The following NAALADL2 variants were observed in gnomAD, a reference collection of about 807,000 sequenced individuals.
NAALADL2 encodes N-acetylated alpha-linked acidic dipeptidase like 2.
In NAALADL2, 76 loss-of-function variants were observed where a neutral mutation model predicts 87.2. The ratio of observed to expected loss-of-function variants is 0.87; its 90% confidence interval spans 0.72 to 1.05. The LOEUF (loss-of-function observed/expected upper bound fraction) is 1.05. NAALADL2 is among the 50% of genes least tolerant of loss of function. NAALADL2 has a pLI of 0.00. For synonymous variants in NAALADL2, 354 were observed against 331.0 expected (o/e 1.07, Z -0.75); for missense variants, 1,089 against 945.8 (o/e 1.15, Z -1.99).
At chr3:175,694,176 G>A (rs1426076773) in intron 11 of NAALADL2, among the ~76,000 whole-genome samples, 3 of 152,012 alleles carry the variant, frequency 2.0e-5, no homozygotes, top group Non-Finnish European at 2.9e-5. Flanking sequence ...ATATTGGTTG[G>A]TACAATATAG....
chr3:175,096,989 C>T lies in NAALADL2; in HGVS notation c.243C>T (p.Asp81=). The T allele has an allele frequency of 6.2e-7, 1 of 1,613,370 alleles. No individual in the cohort carries two copies. Among genetic ancestry groups the T allele is most frequent in the Non-Finnish European group, 8.5e-7 (1 of 1,179,614 alleles). ...NQNLGHSETI[D]LNLDSIQPAT... is the part of the protein sequence containing the mutation. ...ACCTAGGGCATTCAGAGACTATAGACCTCAATCTTGATTCCATTCAACCAG... is the reference window on the plus strand; with the variant it reads ...ACCTAGGGCATTCAGAGACTATAGATCTCAATCTTGATTCCATTCAACCAG... Residue 81 remains aspartate, a synonymous_variant, in exon 2 of 14, where the codon GAC becomes GAT. Coordinates refer to ENST00000454872, the MANE Select transcript of NAALADL2 (RefSeq NM_207015.3).
intron 1 of NAALADL2, among the ~76,000 whole-genome samples, chr3:175,020,471 A>G (rs1057222124): frequency 6.6e-6 from 1 of 152,000 alleles, no homozygotes; most frequent in Non-Finnish European, 1.5e-5. Flanking sequence ...CTAATTGTAA[A>G]TGTGTTCCTT....
chr3:175,595,135 A>C (rs1189889225), intron 10 of NAALADL2, among the ~76,000 whole-genome samples: 4 of 152,144 alleles, frequency 2.6e-5, no homozygotes, highest in Non-Finnish European at 4.4e-5. Context: ...TTGAGGTCTT[A>C]AATTTACACC....
At chr3:174,884,483 G>A (rs1477048594) in intron 1 of NAALADL2, among the ~76,000 whole-genome samples, 1 of 152,116 alleles carries the variant, frequency 6.6e-6, no homozygotes, top group Non-Finnish European at 1.5e-5. Flanking sequence ...CACTTCTTTA[G>A]CTGTAAAGTG....
intron 11 of NAALADL2, among the ~76,000 whole-genome samples, chr3:175,642,351 G>A (rs1030021677): frequency 7.2e-5 from 11 of 152,062 alleles, no homozygotes; most frequent in Admixed American, 3.3e-4. Context: ...TGCTTTTCTT[G>A]ATTACTCAAG....
chr3:174,885,044 C>G (rs1729909352), intron 1 of NAALADL2, among the ~76,000 whole-genome samples: 2 of 152,108 alleles, frequency 1.3e-5, no homozygotes, highest in African/African-American at 2.4e-5. Flanking sequence ...GGGATGTTGC[C>G]TCTGCTGGGG....
intron 9 of NAALADL2, among the ~76,000 whole-genome samples, chr3:175,508,645 C>A (rs546942795): frequency 7.2e-5 from 11 of 152,256 alleles, no homozygotes; most frequent in African/African-American, 2.6e-4. Flanking sequence ...AAGTCCCATA[C>A]ATTTTACTTC....
intron 11 of NAALADL2, among the ~76,000 whole-genome samples, chr3:175,697,213 G>A (rs917528893): frequency 2.0e-5 from 3 of 151,986 alleles, no homozygotes; most frequent in Non-Finnish European, 4.4e-5. Flanking sequence ...AACTTTGCCT[G>A]CCATCTTGAG....
At chr3:175,784,189 C>T (rs891747413) in intron 13 of NAALADL2, among the ~76,000 whole-genome samples, 1 of 148,312 alleles carries the variant, frequency 6.7e-6, no homozygotes, top group African/African-American at 2.5e-5. Flanking sequence ...CTCTGCCCGG[C>T]TTTGGTATCA....
chr3:174,660,699 G>A (rs1361416475), intron 2 of NAALADL2, among the ~76,000 whole-genome samples: 1 of 151,932 alleles, frequency 6.6e-6, no homozygotes, highest in African/African-American at 2.4e-5. Flanking sequence ...TTTCTTCTGG[G>A]AAGTTCTTTT....
Position 175,391,684 on chromosome 3 carries a change from TAAG to T in NAALADL2, c.1091-55542_1091-55540del, listed in dbSNP as rs1377421619. Among the ~76,000 whole-genome samples, 3 of 152,194 alleles carry T rather than the reference TAAG, an allele frequency of 2.0e-5. No individual in the cohort carries two copies. The East Asian group carries it at 5.8e-4, about 29-fold the overall frequency. On this transcript the variant is annotated intron_variant, in intron 5 of 13. Transcript: ENST00000454872. Reference sequence around the variant, plus strand: ...TTGACCTAAAGAAACTGTAAAATAATAAGAATTTATTATTAAGCTGCTGAGTTT... The same window carrying T: ...TTGACCTAAAGAAACTGTAAAATAATAATTTATTATTAAGCTGCTGAGTTT...
chr3:175,172,109 C>A (rs1031711298), intron 2 of NAALADL2, among the ~76,000 whole-genome samples: 2 of 151,996 alleles, frequency 1.3e-5, no homozygotes, highest in African/African-American at 4.8e-5. Context: ...AGGTGATACC[C>A]CAAATACCCT....
At chr3:175,695,999 G>A (rs556847406) in intron 11 of NAALADL2, among the ~76,000 whole-genome samples, 32 of 152,210 alleles carry the variant, frequency 2.1e-4, no homozygotes, top group African/African-American at 7.7e-4. Flanking sequence ...TGCTGCTTTT[G>A]TTATTCCTTG....
At chr3:174,653,114 A>G (rs1724545711) in intron 2 of NAALADL2, among the ~76,000 whole-genome samples, 1 of 152,222 alleles carries the variant, frequency 6.6e-6, no homozygotes, top group African/African-American at 2.4e-5. Flanking sequence ...ATGTAAATTA[A>G]TAAAACCATT....
intron 2 of NAALADL2, among the ~76,000 whole-genome samples, chr3:174,640,984 C>T (rs536850977): frequency 1.4e-4 from 21 of 152,322 alleles, no homozygotes; most frequent in East Asian, 1.4e-3. Flanking sequence ...TTCCTTCCCC[C>T]GGGCTGCACC....
intron 2 of NAALADL2, among the ~76,000 whole-genome samples, chr3:174,618,306 G>T (rs1235794900): frequency 6.6e-6 from 1 of 151,668 alleles, no homozygotes. Context: ...GTTGAATAAA[G>T]ATTCTCATAA....
chr3:174,906,228 T>A lies in NAALADL2; in HGVS notation c.43+46778T>A, dbSNP rs537180188. On this transcript the variant is annotated intron_variant, in intron 1 of 13. Transcript: ENST00000454872. ...TTCTTGAAATAATGAATCTTTTTAA[T>A]GTAAGAAGAAACATGCAATCAGCAT... is the stretch of plus-strand genomic sequence containing the variant. 7.2e-5 allele frequency among the ~76,000 whole-genome samples: 11 copies of A among 152,220 alleles called. No homozygotes were observed. In the East Asian group the frequency reaches 1.5e-3, roughly 21 times the overall value.
At position 174,903,969 on chromosome 3, in the gene NAALADL2, C is replaced by G. The variant is rs550045451; in HGVS notation, c.43+44519C>G. ...CAGAAAGGAATATCTATATCTATAT[C>G]TATATCTATATCTATTTCTATATCT... is the stretch of plus-strand genomic sequence containing the variant. On this transcript the variant is annotated intron_variant, in intron 1 of 13. Transcript: ENST00000454872. 1.5e-4 allele frequency among the ~76,000 whole-genome samples: 22 copies of G among 147,764 alleles called. No homozygotes were observed. In the East Asian group the frequency reaches 4.3e-3, roughly 29 times the overall value.
At chr3:174,998,209 G>C (rs73048951) in intron 1 of NAALADL2, among the ~76,000 whole-genome samples, 2 of 152,064 alleles carry the variant, frequency 1.3e-5, no homozygotes, top group Non-Finnish European at 2.9e-5. Context: ...TGATCCTCAC[G>C]ACAGTGTACA....
Sources: gnomAD v4.1 joint callset for allele counts (sites outside exome capture counted in the v4.1 genomes callset) on GRCh38, gnomAD v4.1.1 for gene constraint, MANE v1.5 for transcripts, NCBI Gene and HGNC (gene_info 2026-07-23, HGNC 2026-07-21) for gene names.